Variants in KCNN2 observed in about 807,000 individuals in gnomAD.
The protein encoded by KCNN2 is potassium calcium-activated channel subfamily N member 2, also known as small conductance calcium-activated potassium channel protein 2.
KCNN2 carries 24 observed loss-of-function variants against 55.5 expected under a neutral mutation model. That is an observed-to-expected ratio of 0.43 (90% CI 0.31 to 0.61). KCNN2 has a LOEUF of 0.61. KCNN2 is among the 20% of genes least tolerant of loss of function. The pLI, the probability that KCNN2 is intolerant of heterozygous loss-of-function variation, is 0.08. For synonymous variants in KCNN2, 431 were observed against 336.1 expected, an observed-to-expected ratio of 1.28 and a Z score of -3.09; for missense variants, 754 against 853.6, an observed-to-expected ratio of 0.88 and a Z score of 1.45.
chr5:114,388,234 C>T (rs373823917), intron 2 of KCNN2, among the ~76,000 whole-genome samples: 57 of 152,214 alleles, frequency 3.7e-4, no homozygotes, highest in African/African-American at 1.3e-3. Flanking sequence ...TTCACTGCTT[C>T]TATCTTTCTC....
chr5:114,357,172 A>G (rs538313723), upstream of KCNN2, among the ~76,000 whole-genome samples: 112 of 152,224 alleles, frequency 7.4e-4, 1 homozygote, highest in African/African-American at 2.4e-3. Flanking sequence ...AGTCAAGAGA[A>G]CCCTGCTTTT....
At chr5:114,102,982 T>G (rs764358721) in intron 1 of KCNN2, among the ~76,000 whole-genome samples, 5 of 152,172 alleles carry the variant, frequency 3.3e-5, no homozygotes, top group African/African-American at 1.2e-4. Context: ...AGAAAGTCAA[T>G]GGTAGCTTGA....
intron 2 of KCNN2, among the ~76,000 whole-genome samples, chr5:114,396,017 G>T (rs901629346): frequency 6.6e-6 from 1 of 152,196 alleles, no homozygotes; most frequent in Admixed American, 6.5e-5. Context: ...TATATACTCA[G>T]ATGTAAATGG....
intron 3 of KCNN2, among the ~76,000 whole-genome samples, chr5:114,413,536 C>T (rs1353076989): frequency 5.3e-5 from 8 of 152,194 alleles, no homozygotes; most frequent in African/African-American, 1.9e-4. Flanking sequence ...GATTTGCCCA[C>T]TAGGCCTCTC....
At chr5:114,208,536 A>G (rs1044748284) in intron 1 of KCNN2, among the ~76,000 whole-genome samples, 7 of 152,154 alleles carry the variant, frequency 4.6e-5, no homozygotes, top group African/African-American at 1.7e-4. Context: ...AGAACAGTAG[A>G]TCTCAACTCA....
intron 2 of KCNN2, among the ~76,000 whole-genome samples, chr5:114,380,518 T>C (rs981320978): frequency 2.6e-5 from 4 of 152,178 alleles, no homozygotes; most frequent in African/African-American, 9.7e-5. Flanking sequence ...AACCTTTTAA[T>C]AGGTGTGAGC....
chr5:114,366,887 T>C (rs1196983807), intron 2 of KCNN2, among the ~76,000 whole-genome samples: 1 of 152,254 alleles, frequency 6.6e-6, no homozygotes, highest in Non-Finnish European at 1.5e-5. Flanking sequence ...GGATGTAGCA[T>C]ATAATCTAAA....
At chr5:114,373,090 T>C (rs1261272927) in intron 2 of KCNN2, among the ~76,000 whole-genome samples, 1 of 152,112 alleles carries the variant, frequency 6.6e-6, no homozygotes, top group Non-Finnish European at 1.5e-5. Context: ...AGTCCTTTTA[T>C]TTTTTAAATG....
At chr5:114,382,201 A>G (rs1317988349) in intron 2 of KCNN2, among the ~76,000 whole-genome samples, 1 of 152,206 alleles carries the variant, frequency 6.6e-6, no homozygotes, top group African/African-American at 2.4e-5. Context: ...TACCGTTACT[A>G]TTCTGCAGTG....
chr5:114,464,764 A>T (rs935119935), intron 4 of KCNN2, among the ~76,000 whole-genome samples: 1 of 152,118 alleles, frequency 6.6e-6, no homozygotes, highest in African/African-American at 2.4e-5. Context: ...ATTTAACATT[A>T]TTTGCCTTTA....
At chr5:114,193,765 A>G (rs1753496620) in intron 1 of KCNN2, among the ~76,000 whole-genome samples, 1 of 152,112 alleles carries the variant, frequency 6.6e-6, no homozygotes, top group Non-Finnish European at 1.5e-5. Context: ...CCCCTACCCT[A>G]GAATTCAAGC....
At chr5:114,173,408 A>G (rs182498962) in intron 1 of KCNN2, among the ~76,000 whole-genome samples, 1 of 148,808 alleles carries the variant, frequency 6.7e-6, no homozygotes, top group Non-Finnish European at 1.5e-5. Context: ...AGCTTTGGCT[A>G]TTCTGGTGGG....
At chr5:114,257,258 A>G (rs1038658267) in intron 2 of KCNN2, among the ~76,000 whole-genome samples, 1 of 151,972 alleles carries the variant, frequency 6.6e-6, no homozygotes, top group Admixed American at 6.6e-5. Context: ...TTTGGTTACT[A>G]CACCCTGTAG....
chr5:114,203,681 C>CA (rs1481512532), intron 1 of KCNN2, among the ~76,000 whole-genome samples: 1 of 152,112 alleles, frequency 6.6e-6, no homozygotes, highest in Non-Finnish European at 1.5e-5. Flanking sequence ...ATGATGACAG[C>CA]ATCTGACATT....
chr5:114,291,537 G>C (rs898353221), intron 2 of KCNN2, among the ~76,000 whole-genome samples: 7 of 152,168 alleles, frequency 4.6e-5, no homozygotes, highest in Non-Finnish European at 8.8e-5. Flanking sequence ...TTTTATGGCT[G>C]CATAGTATGC....
chr5:114,172,587 T>C (rs1753060303), intron 1 of KCNN2, among the ~76,000 whole-genome samples: 1 of 120,490 alleles, frequency 8.3e-6, no homozygotes, highest in Non-Finnish European at 2.0e-5. Flanking sequence ...AGATAACACA[T>C]ATTTAGTTAT....
intron 1 of KCNN2, among the ~76,000 whole-genome samples, chr5:114,119,212 C>G (rs536963180): frequency 2.0e-5 from 3 of 152,272 alleles, no homozygotes; most frequent in Admixed American, 6.5e-5. Context: ...TTCTGGAGCT[C>G]ACAGCTCTGA....
intron 4 of KCNN2, among the ~76,000 whole-genome samples, chr5:114,469,877 A>G (rs146124381): frequency 1.3e-5 from 2 of 152,326 alleles, no homozygotes; most frequent in Non-Finnish European, 2.9e-5. Context: ...CTAGGGAAGT[A>G]TAAGTTTATG....
chr5:114,459,003 G>A (rs1761066224), intron 3 of KCNN2, among the ~76,000 whole-genome samples: 1 of 152,236 alleles, frequency 6.6e-6, no homozygotes, highest in South Asian at 2.1e-4. Flanking sequence ...AGAAGGCACT[G>A]ATTCCTTGGG....
Sources: allele counts gnomAD v4.1 joint callset (sites outside exome capture counted in the v4.1 genomes callset), GRCh38; gene constraint gnomAD v4.1.1; transcripts MANE v1.5; gene names NCBI Gene and HGNC (gene_info 2026-07-23, HGNC 2026-07-21).